The following MCC variants were observed in gnomAD, a reference collection of about 807,000 sequenced individuals.
The protein encoded by MCC is colorectal mutant cancer protein.
Under a neutral mutation model 116.2 loss-of-function variants are expected in MCC, and 90 were observed. That is an observed-to-expected ratio of 0.77 (90% CI 0.65 to 0.92). The LOEUF is 0.92. Among genes scored for constraint, MCC ranks in the 40% least tolerant of loss-of-function variants. The pLI, the probability that MCC is intolerant of heterozygous loss-of-function variation, is 0.00. For synonymous variants in MCC, 578 were observed against 510.5 expected, an observed-to-expected ratio of 1.13 and a Z score of -1.78; for missense variants, 1,516 against 1,312.2, an observed-to-expected ratio of 1.16 and a Z score of -2.40.
intron 5 of MCC, among the ~76,000 whole-genome samples, chr5:113,134,195 T>A (rs964760584): frequency 6.6e-6 from 1 of 152,214 alleles, no homozygotes; most frequent in Non-Finnish European, 1.5e-5. Flanking sequence ...CTCTGAGTAG[T>A]TTGATAGTTC....
intron 3 of MCC, among the ~76,000 whole-genome samples, chr5:113,240,832 G>A (rs1448030263): frequency 6.6e-6 from 1 of 152,198 alleles, no homozygotes; most frequent in Non-Finnish European, 1.5e-5. Context: ...AGGACCAGAG[G>A]AGCTGAGAAC....
At chr5:113,453,212 C>G (rs1242719440) in intron 1 of MCC, among the ~76,000 whole-genome samples, 1 of 152,058 alleles carries the variant, frequency 6.6e-6, no homozygotes, top group Non-Finnish European at 1.5e-5. Context: ...ATCTGAGATT[C>G]TTTTAGGTCT....
At chr5:113,057,299 G>T (rs1752899596) in intron 14 of MCC, among the ~76,000 whole-genome samples, 1 of 152,244 alleles carries the variant, frequency 6.6e-6, no homozygotes, top group East Asian at 1.9e-4. Context: ...CTGCTTTATT[G>T]TTACAACAGG....
chr5:113,098,162 C>T (rs1003646289), intron 8 of MCC, among the ~76,000 whole-genome samples: 4 of 152,146 alleles, frequency 2.6e-5, no homozygotes, highest in African/African-American at 7.2e-5. Flanking sequence ...TTGCCAAACA[C>T]ATTGGGGAAA....
chr5:113,300,386 C>T lies in MCC; in HGVS notation c.627+40133G>A, dbSNP rs1404733713. ...TTGTCCCCTTCTCCATTGACTCTCT[C>T]AAGCTAAACAAAACGCTGATACCTC... On this transcript the variant is annotated intron_variant, in intron 3 of 18. Coordinates refer to ENST00000408903, the MANE Select transcript of MCC (RefSeq NM_001085377.2). 2.0e-5 allele frequency among the ~76,000 whole-genome samples: 3 copies of T among 152,160 alleles called. No homozygotes were observed. The East Asian group carries it at 5.8e-4, about 29-fold the overall frequency.
intron 1 of MCC, among the ~76,000 whole-genome samples, chr5:113,457,280 A>G (rs1771595311): frequency 6.6e-6 from 1 of 152,230 alleles, no homozygotes; most frequent in African/African-American, 2.4e-5. Context: ...TGAGGGACTT[A>G]GCACCCGGGC....
intron 1 of MCC, among the ~76,000 whole-genome samples, chr5:113,439,717 T>C (rs924000242): frequency 5.9e-5 from 9 of 152,206 alleles, no homozygotes; most frequent in African/African-American, 2.2e-4. Flanking sequence ...CCTCAGTATG[T>C]ACATTTCTAA....
chr5:113,440,286 T>C (rs1472403106), intron 1 of MCC, among the ~76,000 whole-genome samples: 1 of 151,848 alleles, frequency 6.6e-6, no homozygotes, highest in Non-Finnish European at 1.5e-5. Flanking sequence ...TAGAAAAAAG[T>C]AGACGTTCCT....
intron 3 of MCC, among the ~76,000 whole-genome samples, chr5:113,211,550 C>A (rs1306085035): frequency 6.6e-6 from 1 of 152,180 alleles, no homozygotes; most frequent in Admixed American, 6.5e-5. Context: ...TTGCCTAATG[C>A]TGACAAAGGA....
chr5:113,111,462 C>T (rs1448013550), intron 6 of MCC, among the ~76,000 whole-genome samples: 1 of 152,188 alleles, frequency 6.6e-6, no homozygotes, highest in Non-Finnish European at 1.5e-5. Flanking sequence ...CCATCCAGCA[C>T]CCTGAGCTCC....
At chr5:113,087,280 T>C (rs1328742634) in intron 8 of MCC, among the ~76,000 whole-genome samples, 1 of 152,194 alleles carries the variant, frequency 6.6e-6, no homozygotes, top group Non-Finnish European at 1.5e-5. Flanking sequence ...TTGCATTCAA[T>C]AGTGCAACAG....
intron 3 of MCC, among the ~76,000 whole-genome samples, chr5:113,169,379 G>T (rs1302028380): frequency 6.6e-6 from 1 of 152,034 alleles, no homozygotes; most frequent in Non-Finnish European, 1.5e-5. Context: ...GACCATTCCT[G>T]CACCCAAATG....
chr5:113,189,609 T>C (rs769790243), intron 3 of MCC, among the ~76,000 whole-genome samples: 1 of 152,102 alleles, frequency 6.6e-6, no homozygotes, highest in Non-Finnish European at 1.5e-5. Flanking sequence ...CCCTTTATAG[T>C]CACACGATAC....
intron 3 of MCC, among the ~76,000 whole-genome samples, chr5:113,166,438 T>C (rs920110591): frequency 6.6e-6 from 1 of 152,096 alleles, no homozygotes; most frequent in African/African-American, 2.4e-5. Context: ...TTGCCTGATA[T>C]CCAGATGGAG....
intron 3 of MCC, among the ~76,000 whole-genome samples, chr5:113,192,645 G>T (rs1170231328): frequency 6.6e-6 from 1 of 152,174 alleles, no homozygotes; most frequent in East Asian, 1.9e-4. Context: ...TAAAATGGGA[G>T]TTACACCTCC....
chr5:113,202,297 T>C (rs994546673), intron 3 of MCC, among the ~76,000 whole-genome samples: 7 of 152,012 alleles, frequency 4.6e-5, no homozygotes, highest in African/African-American at 1.7e-4. Context: ...ACGGAGCTTC[T>C]ATAGGAAATG....
intron 2 of MCC, among the ~76,000 whole-genome samples, chr5:113,383,070 T>C (rs1769163540): frequency 1.3e-5 from 2 of 152,230 alleles, no homozygotes; most frequent in South Asian, 4.1e-4. Flanking sequence ...ACCAATTAGA[T>C]GTGTGCAGCA....
At chr5:113,075,222 G>C (rs142495753) in intron 11 of MCC, among the ~76,000 whole-genome samples, 2 of 152,202 alleles carry the variant, frequency 1.3e-5, no homozygotes, top group African/African-American at 4.8e-5. Context: ...CAGCACTTCC[G>C]GCCCGCTCGC....
intron 5 of MCC, among the ~76,000 whole-genome samples, chr5:113,140,307 T>G (rs1017064117): frequency 6.6e-6 from 1 of 152,158 alleles, no homozygotes; most frequent in Non-Finnish European, 1.5e-5. Flanking sequence ...CTTTATTAGA[T>G]GAGGAGGGAG....
Sources: allele counts gnomAD v4.1 joint callset (sites outside exome capture counted in the v4.1 genomes callset), GRCh38; gene constraint gnomAD v4.1.1; transcripts MANE v1.5; gene names NCBI Gene and HGNC (gene_info 2026-07-23, HGNC 2026-07-21).